The following SGCZ variants were observed in gnomAD, a reference collection of about 807,000 sequenced individuals.
SGCZ encodes the protein zeta-sarcoglycan.
In SGCZ, 40 loss-of-function variants were observed where a neutral mutation model predicts 41.3. That is an observed-to-expected ratio of 0.97 (90% CI 0.75 to 1.26). The LOEUF is 1.26. Ranked by LOEUF, SGCZ falls within the 50% of genes most tolerant of loss-of-function variation. The pLI, the probability that SGCZ is intolerant of heterozygous loss-of-function variation, is 0.00. For synonymous variants in SGCZ, 206 were observed against 137.5 expected (o/e 1.50, Z -3.49); for missense variants, 552 against 369.8 (o/e 1.49, Z -4.04).
intron 1 of SGCZ, among the ~76,000 whole-genome samples, chr8:14,816,272 A>G (rs1470254625): frequency 1.3e-5 from 2 of 152,218 alleles, no homozygotes; most frequent in Non-Finnish European, 2.9e-5. Flanking sequence ...CAGCTCTTCA[A>G]CGTATTTCTG....
chr8:14,533,306 T>TA (rs1457935817), intron 2 of SGCZ, among the ~76,000 whole-genome samples: 2 of 126,386 alleles, frequency 1.6e-5, no homozygotes, highest in Non-Finnish European at 3.4e-5. Flanking sequence ...AATTTAAGAA[T>TA]TTTTTACATT....
At chr8:14,773,322 CT>C (rs1800306365) in intron 1 of SGCZ, among the ~76,000 whole-genome samples, 1 of 152,142 alleles carries the variant, frequency 6.6e-6, no homozygotes, top group Non-Finnish European at 1.5e-5. Flanking sequence ...GTACATTTCC[CT>C]TCATAAGTTC....
intron 1 of SGCZ, among the ~76,000 whole-genome samples, chr8:14,583,566 A>G (rs1804965138): frequency 6.6e-6 from 1 of 152,108 alleles, no homozygotes; most frequent in Non-Finnish European, 1.5e-5. Flanking sequence ...TGTTTTAGAC[A>G]TGAAGTCCTT....
intron 1 of SGCZ, among the ~76,000 whole-genome samples, chr8:15,161,894 G>T (rs1337900388): frequency 6.6e-6 from 1 of 152,040 alleles, no homozygotes; most frequent in Admixed American, 6.6e-5. Context: ...AATTAGCTGG[G>T]CGTGGGGGTG....
intron 5 of SGCZ, among the ~76,000 whole-genome samples, chr8:14,144,334 G>C (rs1447002170): frequency 1.3e-5 from 2 of 152,146 alleles, no homozygotes; most frequent in Admixed American, 1.3e-4. Flanking sequence ...CTCCGTTCCA[G>C]GCCCTAGCTC....
At chr8:14,647,770 T>A (rs888372324) in intron 1 of SGCZ, among the ~76,000 whole-genome samples, 1 of 152,038 alleles carries the variant, frequency 6.6e-6, no homozygotes, top group African/African-American at 2.4e-5. Context: ...ACCTGGACAC[T>A]TCCTGTGTGG....
intron 2 of SGCZ, among the ~76,000 whole-genome samples, chr8:14,380,075 C>T (rs1415161042): frequency 6.6e-6 from 1 of 152,102 alleles, no homozygotes; most frequent in Non-Finnish European, 1.5e-5. Context: ...ATTAATATTG[C>T]TGATCTTATC....
At position 14,302,825 on chromosome 8, in the gene SGCZ, T is replaced by C. The variant is rs567741473; in HGVS notation, c.336+21278A>G. Among the ~76,000 whole-genome samples the C allele has an allele frequency of 9.2e-5, 14 of 152,346 alleles. No homozygotes were observed. In the South Asian group the frequency reaches 2.3e-3, roughly 25 times the overall value. ...AACTACCAGATACAGAATTGTATCCTAAATACAATTCTGATGACGTCACTT... is the reference window on the plus strand; with the variant it reads ...AACTACCAGATACAGAATTGTATCCCAAATACAATTCTGATGACGTCACTT... On this transcript the variant is annotated intron_variant, in intron 3 of 7. Coordinates refer to ENST00000382080, the MANE Select transcript of SGCZ (RefSeq NM_139167.4).
intron 2 of SGCZ, among the ~76,000 whole-genome samples, chr8:14,342,575 A>G (rs375993674): frequency 2.4e-4 from 36 of 152,228 alleles, no homozygotes; most frequent in African/African-American, 8.7e-4. Context: ...TTAGCTTCCC[A>G]AAGTGCTGGG....
At chr8:14,938,290 A>G (rs1480695) in intron 1 of SGCZ, among the ~76,000 whole-genome samples, 30,369 of 151,994 alleles carry the variant, frequency 0.2, 4,103 homozygotes, top group African/African-American at 0.39. Context: ...TGGCCCTTGA[A>G]CAACATACTT....
intron 1 of SGCZ, among the ~76,000 whole-genome samples, chr8:14,663,888 T>G (rs2053493): frequency 0.34 from 51,823 of 151,974 alleles, 11,306 homozygotes; most frequent in African/African-American, 0.63. Context: ...GCTTGAAGGA[T>G]AAAAGGAACT....
intron 1 of SGCZ, among the ~76,000 whole-genome samples, chr8:14,840,806 CTTT>C (rs1563307669): frequency 6.6e-6 from 1 of 151,774 alleles, no homozygotes; most frequent in African/African-American, 2.4e-5. Flanking sequence ...CTTTATGAGA[CTTT>C]TTAACCTCTT....
intron 1 of SGCZ, among the ~76,000 whole-genome samples, chr8:15,203,620 A>T (rs1345427085): frequency 6.6e-6 from 1 of 152,212 alleles, no homozygotes; most frequent in East Asian, 1.9e-4. Flanking sequence ...GCATTCATAT[A>T]TATCACATGG....
At chr8:14,755,684 G>A (rs1799642278) in intron 1 of SGCZ, among the ~76,000 whole-genome samples, 1 of 151,916 alleles carries the variant, frequency 6.6e-6, no homozygotes, top group East Asian at 1.9e-4. Flanking sequence ...TCTATGGCTG[G>A]CCCATGATCT....
At chr8:14,433,115 T>C (rs567552987) in intron 2 of SGCZ, among the ~76,000 whole-genome samples, 65 of 152,090 alleles carry the variant, frequency 4.3e-4, no homozygotes, top group Non-Finnish European at 6.3e-4. Flanking sequence ...ATGTTACATA[T>C]GTGGAAAATA....
intron 1 of SGCZ, among the ~76,000 whole-genome samples, chr8:14,992,942 A>T (rs908031281): frequency 3.3e-5 from 5 of 150,296 alleles, no homozygotes; most frequent in African/African-American, 4.9e-5. Flanking sequence ...GTTACCCTTG[A>T]TATTTACCCC....
At chr8:14,688,738 A>AT (rs1226555079) in intron 1 of SGCZ, among the ~76,000 whole-genome samples, 2 of 152,092 alleles carry the variant, frequency 1.3e-5, no homozygotes, top group African/African-American at 4.8e-5. Context: ...GAAGAAAGTC[A>AT]TTGGTAGTTG....
intron 1 of SGCZ, among the ~76,000 whole-genome samples, chr8:14,605,879 G>A (rs1355303): frequency 0.16 from 24,019 of 152,010 alleles, 2,339 homozygotes; most frequent in Non-Finnish European, 0.21. Context: ...CTTTGTGCTG[G>A]AATGAAAAGA....
At chr8:15,021,564 C>G (rs919929366) in intron 1 of SGCZ, among the ~76,000 whole-genome samples, 1 of 152,196 alleles carries the variant, frequency 6.6e-6, no homozygotes, top group Non-Finnish European at 1.5e-5. Flanking sequence ...GATCTCTCAA[C>G]CAATCTACTG....
Sources: gnomAD v4.1 joint callset for allele counts (sites outside exome capture counted in the v4.1 genomes callset) on GRCh38, gnomAD v4.1.1 for gene constraint, MANE v1.5 for transcripts, NCBI Gene and HGNC (gene_info 2026-07-23, HGNC 2026-07-21) for gene names.